ABCA9: variants seen among roughly 807,000 people sequenced by gnomAD.
The protein encoded by ABCA9 is ATP binding cassette subfamily A member 9, also known as ATP-binding cassette sub-family A member 9.
In ABCA9, 183 loss-of-function variants were observed where a neutral mutation model predicts 205.3. The observed-to-expected ratio is 0.89, with a 90% CI of 0.79 to 1.01. The LOEUF (loss-of-function observed/expected upper bound fraction) is 1.01. Ranked by LOEUF, ABCA9 falls within the 50% of genes least tolerant of loss-of-function variation. The pLI is 0.00. For synonymous variants in ABCA9, 651 were observed against 683.3 expected, an observed-to-expected ratio of 0.95 and a Z score of 0.74; for missense variants, 1,805 against 1,912.4, an observed-to-expected ratio of 0.94 and a Z score of 1.05.
chr17:68,977,900 A>G (rs2068933208), intron 37 of ABCA9, among the ~76,000 whole-genome samples: 1 of 152,206 alleles, frequency 6.6e-6, no homozygotes, highest in African/African-American at 2.4e-5. Context: ...TAAGTACTGC[A>G]GGAGGAATTT....
chr17:68,977,246 T>C (rs1483940427), intron 37 of ABCA9, among the ~76,000 whole-genome samples: 1 of 151,838 alleles, frequency 6.6e-6, no homozygotes, highest in Non-Finnish European at 1.5e-5. Context: ...GCAGGATGCA[T>C]CACCCACCCC....
rs185941864 is a variant in ABCA9, at chr17:69,046,765, T to C, written c.305-1429A>G. ...TTCAATTTCTTTTTGGATTTTATAA[T>C]ATTTTCATACACATAATAAGAAATC... is the stretch of plus-strand genomic sequence containing the variant. On this transcript the variant is annotated intron_variant, in intron 3 of 38. Transcript: ENST00000340001. Among the ~76,000 whole-genome samples the C allele has an allele frequency of 1.7e-3, 261 of 150,822 alleles. 1 individual carries two copies. The highest frequency in any genetic ancestry group is 2.6e-3 in the Non-Finnish European group (176 of 67,694).
In ABCA9 at chr17:68,984,876, G is replaced by T. The variant is rs749973044; in HGVS notation, c.4379+9C>A. 6.8e-6 allele frequency: 11 copies of T among 1,614,014 alleles called. No individual in the cohort carries two copies. The highest frequency in any genetic ancestry group is 1.3e-5 in the African/African-American group (1 of 74,888). On this transcript the variant is annotated intron_variant, in intron 34 of 38. Transcript: ENST00000340001. ...ACTCATGCAGAGGTTGCTCATGATA[G>T]CACCTCACCACATTTGCTGCTGCCC...
At chr17:69,034,169 T>C (rs536474609) in intron 8 of ABCA9, among the ~76,000 whole-genome samples, 1 of 152,310 alleles carries the variant, frequency 6.6e-6, no homozygotes, top group South Asian at 2.1e-4. Context: ...CTGGACCTAA[T>C]ATAGTTTACA....
chr17:69,026,728 C>T (rs2071000773), intron 15 of ABCA9, among the ~76,000 whole-genome samples: 2 of 152,156 alleles, frequency 1.3e-5, no homozygotes, highest in South Asian at 4.1e-4. Flanking sequence ...ATCAAGACTG[C>T]CTAAAACAAA....
At chr17:68,983,350 T>A (rs560529459) in intron 36 of ABCA9, among the ~76,000 whole-genome samples, 2 of 152,310 alleles carry the variant, frequency 1.3e-5, no homozygotes, top group East Asian at 3.9e-4. Context: ...TTCACTGAGC[T>A]TTGACTGATG....
chr17:68,998,165 G>A (rs192332175), intron 25 of ABCA9, among the ~76,000 whole-genome samples: 8 of 152,298 alleles, frequency 5.3e-5, no homozygotes, highest in African/African-American at 1.9e-4. Context: ...ATGTAACACA[G>A]TTTGTCTATT....
chr17:69,016,124 ACAC>A (rs2070599999), intron 22 of ABCA9, 126 bp downstream of exon 22: 1 of 66,572 alleles, frequency 1.5e-5, no homozygotes. Flanking sequence ...ATATATATAT[ACAC>A]ACACACACAC....
chr17:69,022,627 C>T (rs1396530156), intron 17 of ABCA9, among the ~76,000 whole-genome samples: 2 of 152,030 alleles, frequency 1.3e-5, no homozygotes, highest in East Asian at 3.8e-4. Context: ...CTCAGCCTCC[C>T]AAAGGGCTGG....
At chr17:69,024,416 T>C (rs1403909539) in intron 16 of ABCA9, 63 bp from the exon 17 acceptor site, 1 of 1,415,978 alleles carries the variant, frequency 7.1e-7, no homozygotes, top group Non-Finnish European at 9.4e-7. Flanking sequence ...AATTTCCTAA[T>C]TATGTAGTAT....
chr17:69,035,549 T>A, intron 7 of ABCA9, 111 bp downstream of exon 7: 1 of 1,460,190 alleles, frequency 6.8e-7, no homozygotes, highest in South Asian at 1.4e-5. Flanking sequence ...CACTGTTTCA[T>A]GCAAATACTA....
rs759790292 is a variant in ABCA9 at position 68,983,717 on chromosome 17, C to T, written c.4632G>A (p.Gln1544=). The T allele has an allele frequency of 5.0e-6, 8 of 1,613,972 alleles. No homozygotes were observed. In the South Asian group the frequency reaches 6.6e-5, roughly 13 times the overall value. Residue 1544 remains glutamine, a synonymous_variant, in exon 36 of 39, where the codon CAG becomes CAA. Coordinates refer to ENST00000340001, the MANE Select transcript of ABCA9 (RefSeq NM_080283.4). ...AAAACACCTGTGTCTACCTTTCCTG[C>T]TGAGCAGCCTGGGGGAAAAGCCTCA... is the stretch of plus-strand genomic sequence containing the variant. ...EILRLFPQAA[Q]QERFSSLMVY...
At position 69,018,529 on chromosome 17, in the gene ABCA9, A is replaced by G. The variant is rs183154572; in HGVS notation, c.2651T>C (p.Phe884Ser). 1.2e-5 allele frequency: 20 copies of G among 1,605,922 alleles called. No individual in the cohort carries two copies. The highest frequency in any genetic ancestry group is 1.7e-5 in the Non-Finnish European group (20 of 1,177,030). ...SFIPQLLEHL[F>S]YESYQKSYPW... ...GTAACTTTTCTGATATGACTCGTAG[A>G]ATAGATGTTCCAAAAGTTGAGGGAT... is the stretch of plus-strand genomic sequence containing the variant. The change falls in exon 20 of 39, where the codon TTC becomes TCC. Residue 884 changes from phenylalanine to serine, a missense_variant. Physicochemically the swap from Phe to Ser is radical, Grantham distance 155. Transcript: ENST00000340001.
chr17:69,058,440 G>T (rs571923421), intron 1 of ABCA9, among the ~76,000 whole-genome samples: 1 of 152,162 alleles, frequency 6.6e-6, no homozygotes, highest in Non-Finnish European at 1.5e-5. Flanking sequence ...CCTCAAGGGG[G>T]TAGTACCAGA....
At chr17:69,076,146 G>C in the ABCA9 span, among the ~76,000 whole-genome samples, 174 of 152,218 alleles carry the variant, frequency 1.1e-3, 1 homozygote, top group African/African-American at 4.1e-3. Flanking sequence ...TATAATGTTG[G>C]CTATGGGTTT....
chr17:68,989,891 C>A lies in ABCA9; in HGVS notation c.3877G>T (p.Ala1293Ser). ...GAAAAGCAATTTTTCTTTTTGCCTG[C>A]ATATTCCTTCCGTAGACAGCTGGCA... ...IIASCLRKEY[A>S]GKKKNCFSKR... Residue 1293 changes from alanine (A) to serine (S), a missense_variant, in exon 30 of 39, where the codon GCA becomes TCA. Transcript: ENST00000340001. 1 of 1,613,164 alleles carries A rather than the reference C, an allele frequency of 6.2e-7. No homozygotes were observed. The highest frequency in any genetic ancestry group is 1.3e-5 in the African/African-American group (1 of 75,022).
In ABCA9 at chr17:68,976,007, G is replaced by A. The variant is rs1193844981; in HGVS notation, c.4783C>T (p.Leu1595=). Residue 1595 remains leucine (L), a synonymous_variant, in exon 39 of 39, where the codon CTG becomes TTG. Coordinates refer to ENST00000340001, the MANE Select transcript of ABCA9 (RefSeq NM_080283.4). The part of the protein sequence containing the change: ...LSQSTLEQVF[L]ELSKEQELGD... The stretch of plus-strand genomic sequence containing the variant: ...AGCTCCTGCTCCTTGGAGAGCTCCA[G>A]GAAAACCTAAAAGGAAGGAAAGAAA... 4.3e-6 allele frequency: 7 copies of A among 1,613,704 alleles called. No homozygotes were observed. The highest frequency in any genetic ancestry group is 5.9e-6 in the Non-Finnish European group (7 of 1,179,868).
intron 1 of ABCA9, chr17:69,051,395 G>A (rs972265868): frequency 2.6e-5 from 11 of 428,798 alleles, no homozygotes; most frequent in South Asian, 4.0e-5. Context: ...GAATAGTGTC[G>A]ATCGTTGCTA....
rs549247678 is a variant in ABCA9, at chr17:69,033,878, A to G, written c.1129-5T>C. ...ATCATAGTCCAAATGTATAAGCTGAAAAAGAAAGATACAGTGAATTTTAAA... is the reference window on the plus strand; with the variant it reads ...ATCATAGTCCAAATGTATAAGCTGAGAAAGAAAGATACAGTGAATTTTAAA... On this transcript the variant is annotated splice_polypyrimidine_tract_variant and splice_region_variant and intron_variant, in intron 8 of 38. Transcript: ENST00000340001. 6.3e-7 allele frequency: 1 copy of G among 1,579,320 alleles called. No individual in the cohort carries two copies. Among genetic ancestry groups the G allele is most frequent in the East Asian group, 2.2e-5 (1 of 44,490 alleles).
Sources: gnomAD v4.1 joint callset for allele counts (sites outside exome capture counted in the v4.1 genomes callset) on GRCh38, gnomAD v4.1.1 for gene constraint, MANE v1.5 for transcripts, NCBI Gene and HGNC (gene_info 2026-07-23, HGNC 2026-07-21) for gene names.